Variants in LRRTM3 observed in about 807,000 individuals in gnomAD.
LRRTM3 encodes leucine-rich repeat transmembrane neuronal protein 3.
A neutral mutation model predicts 44.7 loss-of-function variants in LRRTM3; 24 were observed. The ratio of observed to expected loss-of-function variants is 0.54; its 90% CI spans 0.39 to 0.76. The LOEUF is 0.76. LRRTM3 is among the 30% of genes least tolerant of loss of function. LRRTM3 has a pLI of 0.00. For missense variants in LRRTM3, 587 were observed against 702.2 expected, an observed-to-expected ratio of 0.84 and a Z score of 1.85; for synonymous variants, 277 against 278.7, an observed-to-expected ratio of 0.99 and a Z score of 0.06.
intron 2 of LRRTM3, among the ~76,000 whole-genome samples, chr10:67,093,336 G>C (rs1857771466): frequency 6.6e-6 from 1 of 152,024 alleles, no homozygotes; most frequent in East Asian, 1.9e-4. Context: ...GGTTGACTAA[G>C]TCATTTATTG....
chr10:67,078,071 C>A (rs1235005128), intron 2 of LRRTM3, among the ~76,000 whole-genome samples: 1 of 152,148 alleles, frequency 6.6e-6, no homozygotes, highest in Non-Finnish European at 1.5e-5. Flanking sequence ...ATACTTGGAC[C>A]AAGTCAATCC....
At chr10:67,010,354 A>C (rs774709565) in intron 2 of LRRTM3, among the ~76,000 whole-genome samples, 28 of 152,184 alleles carry the variant, frequency 1.8e-4, no homozygotes, top group Non-Finnish European at 2.9e-4. Flanking sequence ...AATTGTTTTA[A>C]AATATGTTTT....
chr10:66,957,719 G>A (rs919994105), intron 2 of LRRTM3, among the ~76,000 whole-genome samples: 2 of 151,838 alleles, frequency 1.3e-5, no homozygotes, highest in Admixed American at 6.6e-5. Context: ...GAAACATGGG[G>A]ACAGCATCAG....
At chr10:66,930,240 G>A (rs1461328044) in intron 2 of LRRTM3, among the ~76,000 whole-genome samples, 1 of 152,098 alleles carries the variant, frequency 6.6e-6, no homozygotes, top group African/African-American at 2.4e-5. Context: ...TACAATAGAT[G>A]CCACTTCAGA....
intron 2 of LRRTM3, among the ~76,000 whole-genome samples, chr10:66,929,275 C>T (rs1014444243): frequency 2.0e-5 from 3 of 152,216 alleles, no homozygotes. Flanking sequence ...GATTTCTCCA[C>T]CACACCTCAC....
chr10:66,967,219 A>G (rs183734844), intron 2 of LRRTM3, among the ~76,000 whole-genome samples: 2 of 152,092 alleles, frequency 1.3e-5, no homozygotes, highest in East Asian at 3.9e-4. Context: ...GCCTTGACAT[A>G]AACCATGACC....
intron 2 of LRRTM3, among the ~76,000 whole-genome samples, chr10:66,964,018 C>T (rs1212927697): frequency 6.6e-6 from 1 of 151,140 alleles, no homozygotes; most frequent in Non-Finnish European, 1.5e-5. Context: ...AGCTAATTTT[C>T]GTATTTTTTT....
rs761306996 is a variant in LRRTM3 at position 67,097,603 on chromosome 10, A to C, written c.1553A>C (p.Asn518Thr). The C allele has an allele frequency of 1.2e-6, 2 of 1,612,294 alleles. No individual in the cohort carries two copies. The highest frequency in any genetic ancestry group is 3.3e-5 in the Admixed American group (2 of 59,844). ...SRECEIPLSM[N>T]VSTFLAYDQP... ...TTTCCCCAGATACCTTTATCAATGAATGTGTCAACCTTTCTGGCATACGAC... is the reference window on the plus strand; with the variant it reads ...TTTCCCCAGATACCTTTATCAATGACTGTGTCAACCTTTCTGGCATACGAC... The change falls in exon 3 of 3, where the codon AAT becomes ACT. Residue 518 changes from asparagine (N) to threonine (T), a missense_variant. Asn to Thr is a moderately conservative substitution (Grantham distance 65, BLOSUM62 0). Transcript: ENST00000361320.
At chr10:66,959,077 G>T (rs1397173367) in intron 2 of LRRTM3, among the ~76,000 whole-genome samples, 1 of 151,996 alleles carries the variant, frequency 6.6e-6, no homozygotes. Flanking sequence ...GTATCCACAG[G>T]GTAGATGTTG....
chr10:66,941,880 T>C (rs1029623673), intron 2 of LRRTM3, among the ~76,000 whole-genome samples: 2 of 152,188 alleles, frequency 1.3e-5, no homozygotes, highest in Non-Finnish European at 2.9e-5. Context: ...AAAAAACCAC[T>C]TTAAGATAGA....
In LRRTM3 at chr10:67,097,993, A is replaced by G; in HGVS notation, c.*197A>G. ...TAAGTCTACACTTTGTAATTAGCTA[A>G]GTTGTGCAGTATTTTTTGACTTAAA... On this transcript the variant is annotated 3_prime_UTR_variant, in exon 3 of 3. Coordinates refer to ENST00000361320, the MANE Select transcript of LRRTM3 (RefSeq NM_178011.5). The G allele has an allele frequency of 5.2e-6, 3 of 581,202 alleles. No individual in the cohort carries two copies. The highest frequency in any genetic ancestry group is 3.1e-6 in the Non-Finnish European group (1 of 327,592). 36.0% of individuals were successfully genotyped at this position (581,202 alleles called of 1,614,324 possible).
intron 2 of LRRTM3, among the ~76,000 whole-genome samples, chr10:67,094,321 C>T (rs1414073453): frequency 6.6e-6 from 1 of 151,774 alleles, no homozygotes; most frequent in East Asian, 1.9e-4. Context: ...TTCCAGATAG[C>T]ATAGCCTTTT....
intron 2 of LRRTM3, among the ~76,000 whole-genome samples, chr10:67,077,903 CAGA>C (rs1856817320): frequency 6.6e-6 from 1 of 152,012 alleles, no homozygotes; most frequent in Non-Finnish European, 1.5e-5. Flanking sequence ...TCTAGATTAA[CAGA>C]GGAGGAAGGG....
At chr10:66,937,984 C>G (rs1847802235) in intron 2 of LRRTM3, among the ~76,000 whole-genome samples, 2 of 151,964 alleles carry the variant, frequency 1.3e-5, no homozygotes, top group Non-Finnish European at 2.9e-5. Flanking sequence ...AATGGATAAT[C>G]TCTTCTTTTC....
chr10:67,003,906 G>A (rs1851820811), intron 2 of LRRTM3, among the ~76,000 whole-genome samples: 3 of 152,174 alleles, frequency 2.0e-5, no homozygotes, highest in Admixed American at 1.3e-4. Flanking sequence ...TAAACTGTGA[G>A]ACTATACCTT....
chr10:67,034,036 T>C (rs1853892889), intron 2 of LRRTM3, among the ~76,000 whole-genome samples: 1 of 152,176 alleles, frequency 6.6e-6, no homozygotes, highest in Non-Finnish European at 1.5e-5. Context: ...CCTTCCAACG[T>C]GCTGAGACTA....
intron 2 of LRRTM3, among the ~76,000 whole-genome samples, chr10:67,032,598 G>A (rs1280024502): frequency 6.6e-6 from 1 of 152,136 alleles, no homozygotes; most frequent in African/African-American, 2.4e-5. Context: ...TCAGACAGAT[G>A]TTATTGATGT....
intron 2 of LRRTM3, among the ~76,000 whole-genome samples, chr10:67,038,625 A>T (rs572054166): frequency 6.5e-4 from 99 of 152,224 alleles, no homozygotes; most frequent in African/African-American, 2.4e-3. Flanking sequence ...TATTTTTGTT[A>T]TCTGGTCTTT....
In LRRTM3 at chr10:66,928,052, C is replaced by T. The variant is rs771345571; in HGVS notation, c.1136C>T (p.Thr379Met). The change falls in exon 2 of 3, where the codon ACG (threonine) becomes ATG (methionine). Residue 379 changes from threonine to methionine, a missense_variant. Around this residue, in one of 3 missense-constraint regions of LRRTM3, gnomAD observed 315 missense variants for 335.6 expected, o/e 0.94. Coordinates refer to ENST00000361320, the MANE Select transcript of LRRTM3 (RefSeq NM_178011.5). Reference protein sequence around the residue: ...FDLARALPKPTFKPKLPRPKH... With the variant: ...FDLARALPKPMFKPKLPRPKH... ...CTGGCCAGGGCTCTCCCAAAGCCGA[C>T]GTTTAAGCCCAAGCTCCCCAGGCCG... The T allele has an allele frequency of 6.2e-7, 1 of 1,614,092 alleles. No homozygotes were observed. Among genetic ancestry groups the T allele is most frequent in the Non-Finnish European group, 8.5e-7 (1 of 1,180,038 alleles).
Sources: allele counts gnomAD v4.1 joint callset (sites outside exome capture counted in the v4.1 genomes callset), GRCh38; gene constraint gnomAD v4.1.1; regional missense constraint gnomAD v4.1.1; transcripts MANE v1.5; gene names NCBI Gene and HGNC (gene_info 2026-07-23, HGNC 2026-07-21).